SMCO2: variants seen among roughly 807,000 people sequenced by gnomAD.
The protein encoded by SMCO2 is single-pass membrane and coiled-coil domain-containing protein 2.
SMCO2 carries 25 observed loss-of-function variants against 29.5 expected under a neutral mutation model. That is an observed-to-expected ratio of 0.85 (90% CI 0.62 to 1.18). The LOEUF (loss-of-function observed/expected upper bound fraction) is 1.18. SMCO2 is among the 50% of genes most tolerant of loss of function. SMCO2 has a pLI of 0.00. For missense variants in SMCO2, 348 were observed against 344.5 expected, an observed-to-expected ratio of 1.01 and a Z score of -0.08; for synonymous variants, 117 against 123.3, an observed-to-expected ratio of 0.95 and a Z score of 0.34.
At chr12:27,452,384 C>T in the SMCO2 span, among the ~76,000 whole-genome samples, 1 of 152,196 alleles carries the variant, frequency 6.6e-6, no homozygotes, top group African/African-American at 2.4e-5. Context: ...GTCTATCTTT[C>T]CACATTCTAC....
At chr12:27,476,885 A>G (rs1353790598) in intron 4 of SMCO2, among the ~76,000 whole-genome samples, 1 of 151,776 alleles carries the variant, frequency 6.6e-6, no homozygotes, top group Admixed American at 6.6e-5. Context: ...TATTCCTGTC[A>G]TTTTGTTCAT....
the SMCO2 span, among the ~76,000 whole-genome samples, chr12:27,425,614 A>C: frequency 7.2e-5 from 11 of 152,236 alleles, no homozygotes; most frequent in South Asian, 1.2e-3. Flanking sequence ...CCCTCTCCGC[A>C]TAATGACACT....
chr12:27,484,296 T>C (rs1010856895), intron 4 of SMCO2, among the ~76,000 whole-genome samples: 1 of 152,100 alleles, frequency 6.6e-6, no homozygotes, highest in Non-Finnish European at 1.5e-5. Flanking sequence ...GGAAGATTGC[T>C]TGAACCCAGG....
At chr12:27,486,807 G>A (rs956320441) in intron 4 of SMCO2, among the ~76,000 whole-genome samples, 2 of 152,172 alleles carry the variant, frequency 1.3e-5, no homozygotes, top group Non-Finnish European at 1.5e-5. Context: ...GAGACCTGTA[G>A]ACCAAAAACT....
chr12:27,456,910 A>T, the SMCO2 span, among the ~76,000 whole-genome samples: 1 of 152,182 alleles, frequency 6.6e-6, no homozygotes, highest in African/African-American at 2.4e-5. Context: ...AGAGCCGCAG[A>T]GGCATTAGAT....
chr12:27,460,303 CA>C, the SMCO2 span, among the ~76,000 whole-genome samples: 1 of 152,134 alleles, frequency 6.6e-6, no homozygotes, highest in Non-Finnish European at 1.5e-5. Flanking sequence ...CACACACAGT[CA>C]AAAATCCAGG....
chr12:27,468,941 C>G (rs1401785771), intron 1 of SMCO2, among the ~76,000 whole-genome samples: 2 of 152,062 alleles, frequency 1.3e-5, no homozygotes, highest in Non-Finnish European at 2.9e-5. Context: ...TGTTAGGATT[C>G]TAATTGTTAG....
At chr12:27,443,101 T>C in the SMCO2 span, among the ~76,000 whole-genome samples, 1 of 152,166 alleles carries the variant, frequency 6.6e-6, no homozygotes, top group Admixed American at 6.5e-5. Context: ...TGGACATAGA[T>C]GCAAAAATCC....
intron 5 of SMCO2, among the ~76,000 whole-genome samples, chr12:27,488,817 T>C (rs1458032834): frequency 6.6e-6 from 1 of 152,116 alleles, no homozygotes; most frequent in Non-Finnish European, 1.5e-5. Flanking sequence ...TAAGGGAGAA[T>C]TGGTTTTCTT....
At position 27,470,781 on chromosome 12, in the gene SMCO2, G is replaced by A. The variant is rs1949534803; in HGVS notation, c.134+16G>A. On this transcript the variant is annotated intron_variant, in intron 2 of 7. Coordinates refer to ENST00000298876, the Ensembl canonical transcript of SMCO2. ...CAATGCAGGAGTAAGTCAGAACTGA[G>A]CTTGCAGAAGCAGTTTCTAGGGTCC... is the stretch of plus-strand genomic sequence containing the variant. 1.9e-6 allele frequency: 3 copies of A among 1,548,676 alleles called. No homozygotes were observed. Among genetic ancestry groups the A allele is most frequent in the Non-Finnish European group, 2.6e-6 (3 of 1,145,644 alleles).
chr12:27,446,952 C>T, the SMCO2 span, among the ~76,000 whole-genome samples: 1 of 152,110 alleles, frequency 6.6e-6, no homozygotes. Context: ...TGTCTGGGGT[C>T]GGGGTTAGGG....
At chr12:27,475,052 G>GT (rs1420476452) in intron 4 of SMCO2, 139 bp downstream of exon 4, 7 of 975,050 alleles carry the variant, frequency 7.2e-6, no homozygotes, top group Non-Finnish European at 1.0e-5. Flanking sequence ...CTGTGCATAG[G>GT]TAACTACCTA....
the SMCO2 span, among the ~76,000 whole-genome samples, chr12:27,442,679 G>A: frequency 6.6e-6 from 1 of 152,172 alleles, no homozygotes; most frequent in Non-Finnish European, 1.5e-5. Context: ...CACTTTGTCA[G>A]TACAGTGGAT....
chr12:27,471,539 C>T (rs776200), intron 2 of SMCO2, among the ~76,000 whole-genome samples: 120,242 of 152,036 alleles, frequency 0.79, 47,806 homozygotes, highest in Middle Eastern at 0.91. Flanking sequence ...CAAAAGCATA[C>T]GAGAGGGAAC....
intron 4 of SMCO2, among the ~76,000 whole-genome samples, chr12:27,486,473 G>A (rs796193021): frequency 4.6e-5 from 7 of 152,142 alleles, no homozygotes; most frequent in East Asian, 1.9e-4. Context: ...GTTGTTCAAC[G>A]TCTGAAAACC....
rs375416725 is a variant in SMCO2, at chr12:27,468,154, G to C, written c.-11+1179G>C. 6.4e-4 allele frequency among the ~76,000 whole-genome samples: 97 copies of C among 152,234 alleles called. 1 individual carries two copies. The highest frequency in any genetic ancestry group is 2.2e-3 in the African/African-American group (92 of 41,532). ...CAATAAGATAAGGCCCAGCTGTGAA[G>C]TGTTGATGCTGGATTATGAACTCAG... On this transcript the variant is annotated intron_variant, in intron 1 of 7. Coordinates refer to ENST00000298876, the Ensembl canonical transcript of SMCO2.
At chr12:27,477,388 G>A (rs1200205088) in intron 4 of SMCO2, among the ~76,000 whole-genome samples, 1 of 151,650 alleles carries the variant, frequency 6.6e-6, no homozygotes, top group Non-Finnish European at 1.5e-5. Flanking sequence ...CTTTGATTTT[G>A]ACAGTTTGCC....
intron 7 of SMCO2, chr12:27,497,929 C>T (rs371432934): frequency 1.5e-5 from 5 of 333,388 alleles, no homozygotes; most frequent in East Asian, 8.6e-5. Flanking sequence ...CTAGAGTCTC[C>T]CGTGCTGGAT....
chr12:27,470,774 G>A lies in SMCO2; in HGVS notation c.134+9G>A, dbSNP rs930518417. 4.5e-6 allele frequency: 7 copies of A among 1,549,504 alleles called. No individual in the cohort carries two copies. In the South Asian group the frequency reaches 8.3e-5, roughly 18 times the overall value. ...GAAGGTGCAATGCAGGAGTAAGTCAGAACTGAGCTTGCAGAAGCAGTTTCT... is the reference window on the plus strand; with the variant it reads ...GAAGGTGCAATGCAGGAGTAAGTCAAAACTGAGCTTGCAGAAGCAGTTTCT... On this transcript the variant is annotated intron_variant, in intron 2 of 7. Transcript: ENST00000298876.
Sources: allele counts gnomAD v4.1 joint callset (sites outside exome capture counted in the v4.1 genomes callset), GRCh38; gene constraint gnomAD v4.1.1; transcripts MANE v1.5; gene names NCBI Gene and HGNC (gene_info 2026-07-23, HGNC 2026-07-21).